The following ASCC3 variants were observed in gnomAD, a reference collection of about 807,000 sequenced individuals.
The protein encoded by ASCC3 is activating signal cointegrator 1 complex subunit 3.
A neutral mutation model predicts 256.3 loss-of-function variants in ASCC3; 158 were observed. That is an observed-to-expected ratio of 0.62 (90% CI 0.54 to 0.70). The LOEUF (loss-of-function observed/expected upper bound fraction) is 0.70, where lower values mean the gene tolerates loss of function less well. Ranked by LOEUF, ASCC3 falls within the 30% of genes least tolerant of loss-of-function variation. The pLI is 0.00. For synonymous variants in ASCC3, 948 were observed against 883.4 expected (o/e 1.07, Z -1.30); for missense variants, 2,259 against 2,626.0 (o/e 0.86, Z 3.05).
chr6:100,715,408 A>T, intron 13 of ASCC3, 54 bp downstream of exon 13: 1 of 1,457,200 alleles, frequency 6.9e-7, no homozygotes, highest in Non-Finnish European at 9.6e-7. Flanking sequence ...TTTTATCATT[A>T]AGCACTCTCT....
At chr6:100,651,146 G>A (rs1407711468) in intron 19 of ASCC3, among the ~76,000 whole-genome samples, 1 of 151,694 alleles carries the variant, frequency 6.6e-6, no homozygotes, top group African/African-American at 2.4e-5. Context: ...ATAGCTTAAA[G>A]CCATGAAGTA....
intron 30 of ASCC3, among the ~76,000 whole-genome samples, chr6:100,620,406 T>C (rs1773891672): frequency 6.6e-6 from 1 of 152,146 alleles, no homozygotes; most frequent in Non-Finnish European, 1.5e-5. Context: ...CTTGAAGGTG[T>C]CTTTCTGCTT....
intron 8 of ASCC3, among the ~76,000 whole-genome samples, chr6:100,779,126 G>A (rs1782331086): frequency 6.6e-6 from 1 of 151,948 alleles, no homozygotes; most frequent in African/African-American, 2.4e-5. Context: ...TCTCAAATTA[G>A]AGGAACAGTT....
At chr6:100,510,932 C>G (rs1263195650) in intron 40 of ASCC3, among the ~76,000 whole-genome samples, 1 of 151,912 alleles carries the variant, frequency 6.6e-6, no homozygotes, top group Non-Finnish European at 1.5e-5. Context: ...AAAAGGGAGT[C>G]AGAGAGTAAT....
At chr6:100,585,020 C>T (rs1771569123) in intron 36 of ASCC3, among the ~76,000 whole-genome samples, 2 of 152,124 alleles carry the variant, frequency 1.3e-5, no homozygotes, top group Admixed American at 1.3e-4. Flanking sequence ...ACATTTTTTC[C>T]TTCATTTCAA....
intron 36 of ASCC3, among the ~76,000 whole-genome samples, chr6:100,556,323 G>T (rs986626574): frequency 6.6e-6 from 1 of 151,936 alleles, no homozygotes; most frequent in Non-Finnish European, 1.5e-5. Context: ...CATAATACAG[G>T]CACAATTGCC....
At chr6:100,583,003 G>C (rs1241028197) in intron 36 of ASCC3, among the ~76,000 whole-genome samples, 2 of 152,090 alleles carry the variant, frequency 1.3e-5, no homozygotes, top group Non-Finnish European at 2.9e-5. Flanking sequence ...ATTTTATTGA[G>C]GATTTTTGCA....
intron 4 of ASCC3, among the ~76,000 whole-genome samples, chr6:100,839,800 T>C (rs920970603): frequency 1.3e-5 from 2 of 152,184 alleles, no homozygotes; most frequent in African/African-American, 4.8e-5. Flanking sequence ...TCTTCGAGTA[T>C]TATGCTCATC....
chr6:100,728,487 C>T (rs1182586511), intron 10 of ASCC3, among the ~76,000 whole-genome samples: 1 of 151,872 alleles, frequency 6.6e-6, no homozygotes, highest in Non-Finnish European at 1.5e-5. Context: ...ATTCCATTTC[C>T]TAATATACTA....
chr6:100,606,157 T>G (rs1468738421), intron 32 of ASCC3, among the ~76,000 whole-genome samples: 1 of 152,104 alleles, frequency 6.6e-6, no homozygotes, highest in African/African-American at 2.4e-5. Context: ...AATTTCTTTC[T>G]TTTAGTCTAC....
intron 8 of ASCC3, among the ~76,000 whole-genome samples, chr6:100,789,536 T>C (rs1414735): frequency 0.97 from 148,076 of 152,060 alleles, 72,227 homozygotes; most frequent in East Asian, 1. Context: ...TATTATCAAA[T>C]ATCCTACCCA....
intron 10 of ASCC3, among the ~76,000 whole-genome samples, chr6:100,765,719 C>T (rs1364762377): frequency 2.0e-5 from 3 of 152,176 alleles, no homozygotes. Context: ...TTAACCTTGG[C>T]AAAATAAACT....
intron 36 of ASCC3, among the ~76,000 whole-genome samples, chr6:100,577,742 CCACACACACA>C (rs139409330): frequency 6.7e-6 from 1 of 149,450 alleles, no homozygotes; most frequent in Non-Finnish European, 1.5e-5. Context: ...ACCCACCCAC[CCACACACACA>C]CACACACTCT....
At chr6:100,801,564 C>T (rs1399669606) in intron 5 of ASCC3, among the ~76,000 whole-genome samples, 3 of 152,008 alleles carry the variant, frequency 2.0e-5, no homozygotes, top group African/African-American at 7.2e-5. Context: ...AGTCATTAAA[C>T]TCTCAATCAT....
chr6:100,679,636 A>G lies in ASCC3; in HGVS notation c.2268T>C (p.Tyr756=), dbSNP rs761249117. ...TTCTTACCTGTTTTTCTGCAAGTAC[A>G]TAGTCATGTCCTTGGGTAGGAAAAA... ...PFFFPTQGHD[Y]VLAEKQVQRS... The change falls in exon 14 of 42, where the codon TAT becomes TAC. Residue 756 remains tyrosine (Y), a synonymous_variant. Transcript: ENST00000369162. 33 of 1,613,524 alleles carry G rather than the reference A, an allele frequency of 2.0e-5. No homozygotes were observed. The highest frequency in any genetic ancestry group is 1.6e-4 in the Middle Eastern group (1 of 6,078).
At chr6:100,593,617 G>C (rs1164151330) in intron 34 of ASCC3, among the ~76,000 whole-genome samples, 1 of 152,074 alleles carries the variant, frequency 6.6e-6, no homozygotes, top group East Asian at 1.9e-4. Context: ...ATGTAAACCT[G>C]TTCAGATATC....
At chr6:100,533,875 A>C (rs974943449) in intron 37 of ASCC3, among the ~76,000 whole-genome samples, 2 of 152,368 alleles carry the variant, frequency 1.3e-5, no homozygotes, top group Non-Finnish European at 2.9e-5. Context: ...ATATCAGAGC[A>C]AGAATAAAAG....
At chr6:100,708,081 CA>C (rs1430319962) in intron 13 of ASCC3, among the ~76,000 whole-genome samples, 1 of 152,076 alleles carries the variant, frequency 6.6e-6, no homozygotes, top group Non-Finnish European at 1.5e-5. Context: ...CCTCTATTCT[CA>C]AAATATGATA....
At chr6:100,769,338 T>C (rs567305645) in intron 8 of ASCC3, among the ~76,000 whole-genome samples, 1 of 152,038 alleles carries the variant, frequency 6.6e-6, no homozygotes, top group African/African-American at 2.4e-5. Context: ...ATAATATATA[T>C]TTCAAGATAG....
Sources: allele counts gnomAD v4.1 joint callset (sites outside exome capture counted in the v4.1 genomes callset), GRCh38; gene constraint gnomAD v4.1.1; transcripts MANE v1.5; gene names NCBI Gene and HGNC (gene_info 2026-07-23, HGNC 2026-07-21).